The following RB1CC1 variants were observed in gnomAD, a reference collection of about 807,000 sequenced individuals.
RB1CC1 encodes RB1 inducible coiled-coil 1, also known as RB1-inducible coiled-coil protein 1.
RB1CC1 carries 46 observed loss-of-function variants against 177.5 expected under a neutral mutation model. The ratio of observed to expected loss-of-function variants is 0.26; its 90% CI spans 0.20 to 0.33. The LOEUF is 0.33. RB1CC1 is among the 10% of genes least tolerant of loss of function. The pLI is 1.00. For synonymous variants in RB1CC1, 666 were observed against 613.6 expected (o/e 1.09, Z -1.26); for missense variants, 1,703 against 1,816.3 (o/e 0.94, Z 1.13).
chr8:52,642,541 T>C lies in RB1CC1; in HGVS notation c.4147A>G (p.Lys1383Glu), dbSNP rs1364364729. ...EDRARLLEEKKKLEEEVSKLR... is the reference protein window; with the variant it reads ...EDRARLLEEKEKLEEEVSKLR... The stretch of plus-strand genomic sequence containing the variant: ...TTACTGACTTCTTCTTCAAGCTTTT[T>C]CTTTTCCTCAAGCAAACGAGCTCGA... The change falls in exon 18 of 24, where the codon AAA (lysine) becomes GAA (glutamate). Residue 1383 changes from lysine to glutamate, a missense_variant. Around this residue, in one of 6 missense-constraint regions of RB1CC1, gnomAD observed 1,169 missense variants for 1,184.7 expected, o/e 0.99. Coordinates refer to ENST00000025008, the MANE Select transcript of RB1CC1 (RefSeq NM_014781.5). The C allele has an allele frequency of 2.5e-6, 4 of 1,613,970 alleles. No individual in the cohort carries two copies. Among genetic ancestry groups the C allele is most frequent in the Admixed American group, 3.3e-5 (2 of 60,006 alleles).
chr8:52,684,157 T>A lies in RB1CC1; in HGVS notation c.72-144A>T, dbSNP rs1041538750. ...CAAAAACAGTAATAAAAATATAAGCTTCCTATTTAATGAACAGGATTCCAT... is the reference window on the plus strand; with the variant it reads ...CAAAAACAGTAATAAAAATATAAGCATCCTATTTAATGAACAGGATTCCAT... On this transcript the variant is annotated intron_variant, in intron 3 of 23. Transcript: ENST00000025008. The A allele has an allele frequency of 1.2e-5, 12 of 987,862 alleles. No homozygotes were observed. The African/African-American group carries it at 2.0e-4, about 17-fold the overall frequency. 61.2% of individuals were successfully genotyped at this position (987,862 alleles called of 1,614,324 possible).
At chr8:52,664,745 C>T (rs1033270383) in intron 8 of RB1CC1, among the ~76,000 whole-genome samples, 1 of 152,124 alleles carries the variant, frequency 6.6e-6, no homozygotes, top group Non-Finnish European at 1.5e-5. Context: ...TGCATTCTTC[C>T]ATTTTGAGAA....
Position 52,661,301 on chromosome 8 carries a change from A to G in RB1CC1, c.1359-20T>C. The G allele has an allele frequency of 6.2e-7, 1 of 1,603,856 alleles. No individual in the cohort carries two copies. The highest frequency in any genetic ancestry group is 8.5e-7 in the Non-Finnish European group (1 of 1,177,712). On this transcript the variant is annotated intron_variant, in intron 9 of 23. Transcript: ENST00000025008. ...CACCACCTAGAGAATAAAATCCATT[A>G]TTTTCAACATTCACAAAACTGGTAC...
At chr8:52,706,931 G>A (rs1285990750) in intron 1 of RB1CC1, among the ~76,000 whole-genome samples, 2 of 151,982 alleles carry the variant, frequency 1.3e-5, no homozygotes, top group Admixed American at 6.6e-5. Flanking sequence ...CAAAGTTCTG[G>A]GAATACAGGC....
chr8:52,627,112 C>T (rs916189884), intron 22 of RB1CC1, among the ~76,000 whole-genome samples: 4 of 151,738 alleles, frequency 2.6e-5, no homozygotes, highest in Non-Finnish European at 5.9e-5. Context: ...ACTTTGGGAG[C>T]CTGAGGCAGG....
intron 1 of RB1CC1, among the ~76,000 whole-genome samples, chr8:52,706,392 T>C (rs1453316361): frequency 6.7e-6 from 1 of 148,816 alleles, no homozygotes; most frequent in African/African-American, 2.5e-5. Flanking sequence ...GGACTTTCAC[T>C]CAGTCACCTA....
At chr8:52,640,617 G>A (rs12549201) in intron 18 of RB1CC1, among the ~76,000 whole-genome samples, 22,194 of 151,866 alleles carry the variant, frequency 0.15, 1,783 homozygotes, top group South Asian at 0.27. Context: ...TTGGCTCTAG[G>A]TACCTCTCCT....
At chr8:52,699,069 A>G (rs556103806) in intron 1 of RB1CC1, among the ~76,000 whole-genome samples, 1 of 152,094 alleles carries the variant, frequency 6.6e-6, no homozygotes, top group Non-Finnish European at 1.5e-5. Context: ...CCCTAACCCA[A>G]AACAATTAAC....
At chr8:52,651,992 A>G (rs1166081175) in intron 15 of RB1CC1, among the ~76,000 whole-genome samples, 4 of 152,176 alleles carry the variant, frequency 2.6e-5, no homozygotes, top group Non-Finnish European at 5.9e-5. Flanking sequence ...ATTTAGTAAC[A>G]AAGAAGAATA....
intron 7 of RB1CC1, 54 bp downstream of exon 7, chr8:52,673,791 A>G: frequency 7.0e-7 from 1 of 1,435,430 alleles, no homozygotes; most frequent in South Asian, 1.4e-5. Context: ...TATTTAGGAT[A>G]AATAATATAA....
At chr8:52,692,341 CT>C (rs558566430) in intron 1 of RB1CC1, among the ~76,000 whole-genome samples, 3 of 151,768 alleles carry the variant, frequency 2.0e-5, no homozygotes, top group Non-Finnish European at 4.4e-5. Flanking sequence ...TACAAAAAAT[CT>C]TTTTTTTAAA....
intron 1 of RB1CC1, among the ~76,000 whole-genome samples, chr8:52,696,180 G>T (rs1175213225): frequency 3.3e-5 from 5 of 152,154 alleles, no homozygotes. Flanking sequence ...AAGTAGCTGG[G>T]ATTACAGGCA....
chr8:52,661,566 C>T lies in RB1CC1; in HGVS notation c.1327G>A (p.Glu443Lys). The T allele has an allele frequency of 6.2e-7, 1 of 1,608,268 alleles. No homozygotes were observed. Among genetic ancestry groups the T allele is most frequent in the Non-Finnish European group, 8.5e-7 (1 of 1,177,946 alleles). The change falls in exon 9 of 24, where the codon GAA (glutamate) becomes AAA (lysine). Residue 443 changes from glutamate to lysine, a missense_variant. Physicochemically the swap from Glu to Lys is moderately conservative, Grantham distance 56 (BLOSUM62 1). Around this residue, in one of 6 missense-constraint regions of RB1CC1, gnomAD observed 1,169 missense variants for 1,184.7 expected, o/e 0.99. Transcript: ENST00000025008. ...IKQKCTTAKQELANNLHVRLK... is the reference protein window; with the variant it reads ...IKQKCTTAKQKLANNLHVRLK... ...CTGACATGTAGGTTATTTGCTAGTT[C>T]TTGTTTGGCAGTGGTACACTTCTGC...
At chr8:52,649,717 C>T (rs1315211723) in intron 15 of RB1CC1, among the ~76,000 whole-genome samples, 1 of 152,206 alleles carries the variant, frequency 6.6e-6, no homozygotes, top group Non-Finnish European at 1.5e-5. Context: ...CTCAGATCCA[C>T]ATCACTACTT....
chr8:52,701,778 C>G (rs111846536), intron 1 of RB1CC1, among the ~76,000 whole-genome samples: 26 of 151,282 alleles, frequency 1.7e-4, no homozygotes, highest in East Asian at 7.8e-4. Flanking sequence ...TCCTATACCA[C>G]TAAAGTCTTC....
intron 15 of RB1CC1, among the ~76,000 whole-genome samples, chr8:52,648,316 A>G (rs1422740568): frequency 6.6e-6 from 1 of 152,184 alleles, no homozygotes; most frequent in Non-Finnish European, 1.5e-5. Flanking sequence ...ATACTATGCC[A>G]TATTGTTTGA....
At chr8:52,652,402 G>A (rs937398528) in intron 15 of RB1CC1, among the ~76,000 whole-genome samples, 6 of 146,986 alleles carry the variant, frequency 4.1e-5, no homozygotes, top group Non-Finnish European at 7.4e-5. Flanking sequence ...GGAGGTTGCA[G>A]TGAGCCGTGA....
chr8:52,665,527 G>T (rs1027867594), intron 8 of RB1CC1, among the ~76,000 whole-genome samples: 1 of 152,112 alleles, frequency 6.6e-6, no homozygotes, highest in African/African-American at 2.4e-5. Flanking sequence ...TTTCTAATAT[G>T]GAAAAACTGA....
chr8:52,661,361 T>TA lies in RB1CC1; in HGVS notation c.1359-81dup. The TA allele has an allele frequency of 2.6e-6, 4 of 1,525,000 alleles. No homozygotes were observed. In the South Asian group the frequency reaches 4.8e-5, roughly 18 times the overall value. 94.5% of individuals were successfully genotyped at this position (1,525,000 alleles called of 1,614,324 possible). ...TACTTACTTAGTAAGCTTACTAACT[T>TA]AGTTAAGCCAAAGAAATCAAGATAT... On this transcript the variant is annotated intron_variant, in intron 9 of 23. Transcript: ENST00000025008.
Sources: gnomAD v4.1 joint callset for allele counts (sites outside exome capture counted in the v4.1 genomes callset) on GRCh38, gnomAD v4.1.1 for gene constraint, gnomAD v4.1.1 regional missense constraint, MANE v1.5 for transcripts, NCBI Gene and HGNC (gene_info 2026-07-23, HGNC 2026-07-21) for gene names.